HSD17B4: variants seen among roughly 807,000 people sequenced by gnomAD.
HSD17B4 encodes the protein hydroxysteroid 17-beta dehydrogenase 4, also known as peroxisomal multifunctional enzyme type 2.
In HSD17B4, 70 loss-of-function variants were observed where a neutral mutation model predicts 101.0. That is an observed-to-expected ratio of 0.69 (90% CI 0.57 to 0.85). HSD17B4 has a LOEUF of 0.85. Among genes scored for constraint, HSD17B4 ranks in the 40% least tolerant of loss-of-function variants. HSD17B4 has a pLI of 0.00. For missense variants in HSD17B4, 984 were observed against 892.4 expected (o/e 1.10, Z -1.31); for synonymous variants, 347 against 297.1 (o/e 1.17, Z -1.73).
At chr5:119,525,824 T>C (rs956292347) in intron 18 of HSD17B4, 93 bp from the exon 19 acceptor site, 1 of 785,090 alleles carries the variant, frequency 1.3e-6, no homozygotes, top group Non-Finnish European at 2.3e-6. Context: ...GCTAATGCAG[T>C]CTAAGGACAT....
intron 6 of HSD17B4, 63 bp downstream of exon 6, chr5:119,475,933 A>G: frequency 1.6e-6 from 2 of 1,235,366 alleles, no homozygotes; most frequent in Non-Finnish European, 1.2e-6. Flanking sequence ...TTAGTATTTG[A>G]TAAATTTATA....
chr5:119,521,353 T>G (rs1406889974), intron 17 of HSD17B4, among the ~76,000 whole-genome samples: 1 of 152,210 alleles, frequency 6.6e-6, no homozygotes, highest in Non-Finnish European at 1.5e-5. Context: ...GGGATATGTC[T>G]CAGTCTTGCA....
chr5:119,458,471 A>AG (rs1754895840), intron 2 of HSD17B4, among the ~76,000 whole-genome samples: 1 of 149,072 alleles, frequency 6.7e-6, no homozygotes, highest in Non-Finnish European at 1.5e-5. Flanking sequence ...CCTCCCAAGT[A>AG]GCTGGGATTA....
At chr5:119,521,204 G>A (rs1753086237) in intron 17 of HSD17B4, among the ~76,000 whole-genome samples, 1 of 152,132 alleles carries the variant, frequency 6.6e-6, no homozygotes, top group South Asian at 2.1e-4. Context: ...CTTAAAAATG[G>A]TGCATCATTG....
At chr5:119,455,937 C>G (rs983765714) in intron 1 of HSD17B4, among the ~76,000 whole-genome samples, 7 of 152,034 alleles carry the variant, frequency 4.6e-5, no homozygotes, top group Admixed American at 2.6e-4. Flanking sequence ...TTCTGAATAC[C>G]TAGGAACTTT....
At chr5:119,520,932 T>A (rs1417400516) in intron 17 of HSD17B4, among the ~76,000 whole-genome samples, 1 of 152,232 alleles carries the variant, frequency 6.6e-6, no homozygotes, top group Non-Finnish European at 1.5e-5. Context: ...TTTTGGGGGA[T>A]GCATTATTTT....
At chr5:119,505,635 C>A (rs142827521) in intron 14 of HSD17B4, among the ~76,000 whole-genome samples, 1 of 151,862 alleles carries the variant, frequency 6.6e-6, no homozygotes, top group Non-Finnish European at 1.5e-5. Flanking sequence ...GTTCTAGGAG[C>A]CTTTTGGTAG....
rs745914712 is a variant in HSD17B4, at chr5:119,492,082, TC to T, written c.715-13del. The T allele has an allele frequency of 3.9e-5, 63 of 1,602,270 alleles. No individual in the cohort carries two copies. In the South Asian group the frequency reaches 6.6e-4, roughly 17 times the overall value. On this transcript the variant is annotated splice_polypyrimidine_tract_variant and intron_variant, in intron 9 of 23. Transcript: ENST00000510025. ...TTTCACATTAGATGGTATAATGTTT[TC>T]CCCCTCTTTTTGGTAGGTTGGAGCA...
chr5:119,476,780 C>T (rs1266390574), intron 6 of HSD17B4: 1 of 824,068 alleles, frequency 1.2e-6, no homozygotes, highest in Non-Finnish European at 1.5e-6. Context: ...TACCCTTCTC[C>T]CTCTCTTTCT....
intron 8 of HSD17B4, among the ~76,000 whole-genome samples, chr5:119,481,279 A>G (rs143790911): frequency 9.7e-4 from 148 of 152,274 alleles, no homozygotes; most frequent in Non-Finnish European, 1.7e-3. Flanking sequence ...AAATGTCCAT[A>G]AAATCTTCAC....
chr5:119,452,907 A>G (rs1425413190), intron 1 of HSD17B4: 1 of 1,473,200 alleles, frequency 6.8e-7, no homozygotes. Context: ...TGCTGATTGC[A>G]AAACTGGGTG....
At chr5:119,477,210 G>A (rs1404367106) in intron 6 of HSD17B4, among the ~76,000 whole-genome samples, 1 of 152,118 alleles carries the variant, frequency 6.6e-6, no homozygotes, top group Non-Finnish European at 1.5e-5. Flanking sequence ...AAATTATGAG[G>A]AGAGCTGTTG....
intron 4 of HSD17B4, among the ~76,000 whole-genome samples, chr5:119,474,913 A>G (rs1428971677): frequency 6.6e-6 from 1 of 152,140 alleles, no homozygotes; most frequent in Non-Finnish European, 1.5e-5. Context: ...TTTCAAATAA[A>G]TTGTTGAGTT....
chr5:119,509,312 G>A, intron 16 of HSD17B4, 68 bp downstream of exon 16: 1 of 984,186 alleles, frequency 1.0e-6, no homozygotes, highest in Non-Finnish European at 1.6e-6. Flanking sequence ...ATTGAGACTT[G>A]AACAGCATGA....
intron 2 of HSD17B4, chr5:119,456,588 C>T (rs1240944189): frequency 7.3e-6 from 4 of 548,322 alleles, no homozygotes; most frequent in East Asian, 3.2e-5. Context: ...GAATTGATAA[C>T]GAAGGGCTAG....
intron 14 of HSD17B4, among the ~76,000 whole-genome samples, chr5:119,505,098 C>T (rs1751525233): frequency 6.6e-6 from 1 of 151,918 alleles, no homozygotes; most frequent in South Asian, 2.1e-4. Context: ...TGTTCTTTTC[C>T]ATTGGTCTTT....
At chr5:119,506,957 C>T in intron 15 of HSD17B4, 68 bp downstream of exon 15, 1 of 796,618 alleles carries the variant, frequency 1.3e-6, no homozygotes, top group Non-Finnish European at 2.1e-6. Flanking sequence ...CATAATACTT[C>T]ACCATAGAAG....
At chr5:119,492,286 A>G (rs546090216) in intron 10 of HSD17B4, 162 bp downstream of exon 10, 1 of 685,168 alleles carries the variant, frequency 1.5e-6, no homozygotes, top group Non-Finnish European at 2.7e-6. Context: ...ATTTTTAAAC[A>G]TTGTGATTGT....
intron 17 of HSD17B4, among the ~76,000 whole-genome samples, chr5:119,519,754 G>A (rs1437521024): frequency 2.0e-5 from 3 of 152,092 alleles, no homozygotes; most frequent in Admixed American, 2.0e-4. Flanking sequence ...CATTAAGAAA[G>A]CAACACAAGC....
Sources: gnomAD v4.1 joint callset for allele counts (sites outside exome capture counted in the v4.1 genomes callset) on GRCh38, gnomAD v4.1.1 for gene constraint, MANE v1.5 for transcripts, NCBI Gene and HGNC (gene_info 2026-07-23, HGNC 2026-07-21) for gene names.